The following AP2A2 variants were observed in gnomAD, a reference collection of about 807,000 sequenced individuals.
AP2A2 encodes AP-2 complex subunit alpha-2.
A neutral mutation model predicts 104.2 loss-of-function variants in AP2A2; 32 were observed. The ratio of observed to expected loss-of-function variants is 0.31; its 90% CI spans 0.23 to 0.41. The LOEUF (loss-of-function observed/expected upper bound fraction) is 0.41, where lower values mean the gene tolerates loss of function less well. Ranked by LOEUF, AP2A2 falls within the 10% of genes least tolerant of loss-of-function variation. The pLI is 1.00. For missense variants in AP2A2, 912 were observed against 1,261.0 expected (o/e 0.72, Z 4.19); for synonymous variants, 539 against 533.3 (o/e 1.01, Z -0.15).
rs1856378920 is a variant in AP2A2, at chr11:1,010,287, G to A, written c.2743-261G>A. 1.0e-5 allele frequency: 6 copies of A among 573,042 alleles called. No homozygotes were observed. In the South Asian group the frequency reaches 1.4e-4, roughly 13 times the overall value. 35.5% of individuals were successfully genotyped at this position (573,042 alleles called of 1,614,324 possible). ...CCAGGGCCTGTGTGTGGTTAGTGCT[G>A]CAAGAACATCCCACAGCTTCTCCAG... On this transcript the variant is annotated intron_variant, in intron 21 of 21. Coordinates refer to ENST00000448903, the MANE Select transcript of AP2A2 (RefSeq NM_012305.4).
intron 2 of AP2A2, among the ~76,000 whole-genome samples, chr11:961,461 C>T (rs1210357242): frequency 7.7e-5 from 11 of 143,476 alleles, no homozygotes; most frequent in Non-Finnish European, 1.5e-4. Flanking sequence ...CTGACAGAGT[C>T]GCCACCACCA....
In AP2A2 at chr11:993,174, G is replaced by T; in HGVS notation, c.1453-110G>T. ...ATGGGCACTTGGACTGGGGTCTCCA[G>T]GAAGCTGAGGGGCTGGTGCTGGTGT... On this transcript the variant is annotated intron_variant, in intron 11 of 21. Coordinates refer to ENST00000448903, the MANE Select transcript of AP2A2 (RefSeq NM_012305.4). This position sits in a 1 kb window ranked among gnomAD's most constrained non-coding sequence, Gnocchi z 8.2. 1.3e-6 allele frequency: 1 copy of T among 798,844 alleles called. No homozygotes were observed. The allele number at this position is 798,844 out of a possible 1,614,324, so 49.5% of individuals were successfully genotyped here.
intron 21 of AP2A2, 97 bp downstream of exon 21, chr11:1,009,914 C>T: frequency 1.4e-6 from 2 of 1,404,938 alleles, no homozygotes; most frequent in Non-Finnish European, 9.6e-7. Context: ...GCAGTTCAGT[C>T]AGTTTTGACA....
chr11:992,682 C>T lies in AP2A2; in HGVS notation c.1449C>T (p.Phe483=), dbSNP rs747626477. ...AGGGCTACGCGGCCAAGACTGTGTT[C>T]GAGGTATGGCCCGCAGGATGGCAGG... ...DVQGYAAKTV[F]EALQAPACHE... Residue 483 remains phenylalanine (F), a synonymous_variant, in exon 11 of 22, where the codon TTC becomes TTT. Coordinates refer to ENST00000448903, the MANE Select transcript of AP2A2 (RefSeq NM_012305.4). The surrounding 1 kb of genome is among the most constrained non-coding windows in gnomAD (Gnocchi z 6.4). The T allele has an allele frequency of 2.5e-5, 41 of 1,613,664 alleles. No homozygotes were observed. The highest frequency in any genetic ancestry group is 1.2e-4 in the Admixed American group (7 of 59,992).
At chr11:981,723 C>T (rs1159228614) in intron 6 of AP2A2, among the ~76,000 whole-genome samples, 3 of 152,258 alleles carry the variant, frequency 2.0e-5, no homozygotes, top group Admixed American at 1.3e-4. Flanking sequence ...GTTATACATT[C>T]ATGTTTGATG....
intron 1 of AP2A2, among the ~76,000 whole-genome samples, chr11:933,011 T>C (rs1483903776): frequency 3.3e-5 from 5 of 152,242 alleles, no homozygotes; most frequent in Non-Finnish European, 7.3e-5. Flanking sequence ...GGTTCACGCC[T>C]GTAATCCCAG....
chr11:992,782 G>C lies in AP2A2; in HGVS notation c.1452+97G>C. ...GCCTGCCTGCGTGGAGGTGCCGAGG[G>C]CCGTTGCTGACCCCTCTTGCCCCTC... On this transcript the variant is annotated intron_variant, in intron 11 of 21. Coordinates refer to ENST00000448903, the MANE Select transcript of AP2A2 (RefSeq NM_012305.4). The surrounding 1 kb of genome is among the most constrained non-coding windows in gnomAD (Gnocchi z 6.4). 1 of 1,387,208 alleles carries C rather than the reference G, an allele frequency of 7.2e-7. No homozygotes were observed. Among genetic ancestry groups the C allele is most frequent in the South Asian group, 1.3e-5 (1 of 79,808 alleles). The allele number at this position is 1,387,208 out of a possible 1,614,324, so 85.9% of individuals were successfully genotyped here.
At chr11:950,104 A>G (rs1853995402) in intron 1 of AP2A2, among the ~76,000 whole-genome samples, 1 of 152,194 alleles carries the variant, frequency 6.6e-6, no homozygotes, top group South Asian at 2.1e-4. Context: ...CAGGAGTGCC[A>G]AGATAATTCA....
At chr11:981,461 C>A in intron 6 of AP2A2, 162 bp downstream of exon 6, 1 of 623,472 alleles carries the variant, frequency 1.6e-6, no homozygotes. Context: ...ACTGTCCTGT[C>A]TGTACAGAAG....
chr11:958,500 T>C (rs1854312511), intron 1 of AP2A2, among the ~76,000 whole-genome samples: 1 of 152,124 alleles, frequency 6.6e-6, no homozygotes, highest in Admixed American at 6.6e-5. Flanking sequence ...TGATTGCCAT[T>C]GGGGATGGAT....
At chr11:983,391 TA>T (rs1381848455) in intron 6 of AP2A2, among the ~76,000 whole-genome samples, 164 of 151,390 alleles carry the variant, frequency 1.1e-3, no homozygotes, top group Non-Finnish European at 1.5e-3. Context: ...TTTATTTATT[TA>T]TTTATTTTGA....
rs565533621 is a variant in AP2A2 at position 961,968 on chromosome 11, G to A, written c.136+2463G>A. 5.9e-5 allele frequency among the ~76,000 whole-genome samples: 9 copies of A among 151,382 alleles called. No homozygotes were observed. The South Asian group carries it at 8.4e-4, about 14-fold the overall frequency. On this transcript the variant is annotated intron_variant, in intron 2 of 21. Coordinates refer to ENST00000448903, the MANE Select transcript of AP2A2 (RefSeq NM_012305.4). ...AGGGCAGAAGCAGATGGAGATGTGG[G>A]TCTGACAGTCGCCACCACTAGTGAA... is the stretch of plus-strand genomic sequence containing the variant.
intron 1 of AP2A2, among the ~76,000 whole-genome samples, chr11:955,844 G>C (rs1854216201): frequency 6.6e-6 from 1 of 152,232 alleles, no homozygotes; most frequent in Non-Finnish European, 1.5e-5. Context: ...CAGCAGTGGT[G>C]GAGTTCGGCC....
chr11:987,445 C>A (rs975086736), intron 9 of AP2A2, among the ~76,000 whole-genome samples: 6 of 151,824 alleles, frequency 4.0e-5, no homozygotes, highest in Admixed American at 6.6e-5. Context: ...GTCAGGAGAT[C>A]GAGACCATCC....
intron 1 of AP2A2, among the ~76,000 whole-genome samples, chr11:958,489 T>C (rs924628248): frequency 1.3e-5 from 2 of 152,216 alleles, no homozygotes; most frequent in Non-Finnish European, 2.9e-5. Flanking sequence ...TTCAGGTATT[T>C]TGATTGCCAT....
rs1036709686 is a variant in AP2A2 at position 1,007,814 on chromosome 11, G to C, written c.2297-198G>C. The C allele has an allele frequency of 4.4e-6, 3 of 676,808 alleles. No homozygotes were observed. In the African/African-American group the frequency reaches 5.4e-5, roughly 12 times the overall value. 41.9% of individuals were successfully genotyped at this position (676,808 alleles called of 1,614,324 possible). On this transcript the variant is annotated intron_variant, in intron 17 of 21. Transcript: ENST00000448903. ...AAAATGGAGGAGCCATTCTGGAAGCGTGAGAAGCAGACAGTGTTTTGAGGA... is the reference window on the plus strand; with the variant it reads ...AAAATGGAGGAGCCATTCTGGAAGCCTGAGAAGCAGACAGTGTTTTGAGGA...
At chr11:948,638 A>G (rs1471760119) in intron 1 of AP2A2, 2 of 148,950 alleles carry the variant, frequency 1.3e-5, no homozygotes, top group African/African-American at 2.5e-5. Context: ...AGTCTGAGGC[A>G]CTCGGATCAC....
Position 988,705 on chromosome 11 carries a change from C to T in AP2A2, c.1269+16C>T, listed in dbSNP as rs1415866381. On this transcript the variant is annotated intron_variant, in intron 10 of 21. Coordinates refer to ENST00000448903, the MANE Select transcript of AP2A2 (RefSeq NM_012305.4). ...AGAAGAGATTGTGAGTTCTGGTGGCCTCTGAGTCCTCTCCTGCCACAGGCG... is the reference window on the plus strand; with the variant it reads ...AGAAGAGATTGTGAGTTCTGGTGGCTTCTGAGTCCTCTCCTGCCACAGGCG... 1.2e-6 allele frequency: 2 copies of T among 1,612,754 alleles called. No homozygotes were observed. Among genetic ancestry groups the T allele is most frequent in the Non-Finnish European group, 8.5e-7 (1 of 1,179,608 alleles).
rs375198560 is a variant in AP2A2, at chr11:993,721, C to T, written c.1551-33C>T. ...CGTGCTGCAGCCTGCGAGGGGACGA[C>T]GGTGTCCCTGTGTTGTGCCTCCCCG... is the stretch of plus-strand genomic sequence containing the variant. On this transcript the variant is annotated intron_variant, in intron 12 of 21. Coordinates refer to ENST00000448903, the MANE Select transcript of AP2A2 (RefSeq NM_012305.4). This position sits in a 1 kb window ranked among gnomAD's most constrained non-coding sequence, Gnocchi z 8.2. 1.9e-4 allele frequency: 283 copies of T among 1,516,812 alleles called. No homozygotes were observed. Among genetic ancestry groups the T allele is most frequent in the South Asian group, 2.6e-4 (22 of 83,350 alleles). The allele number at this position is 1,516,812 out of a possible 1,614,324, so 94.0% of individuals were successfully genotyped here.
Sources: gnomAD v4.1 joint callset for allele counts (sites outside exome capture counted in the v4.1 genomes callset) on GRCh38, gnomAD v4.1.1 for gene constraint, Gnocchi (gnomAD v3.1) non-coding constraint, MANE v1.5 for transcripts, NCBI Gene and HGNC (gene_info 2026-07-23, HGNC 2026-07-21) for gene names.